The following RMND1 variants were observed in gnomAD, a reference collection of about 807,000 sequenced individuals.
The protein encoded by RMND1 is required for meiotic nuclear division 1 homolog, also known as required for meiotic nuclear division protein 1 homolog.
In RMND1, 41 loss-of-function variants were observed where a neutral mutation model predicts 54.0. The ratio of observed to expected loss-of-function variants is 0.76; its 90% CI spans 0.59 to 0.98. RMND1 has a LOEUF of 0.98. Ranked by LOEUF, RMND1 falls within the 50% of genes least tolerant of loss-of-function variation. RMND1 has a pLI of 0.00. For synonymous variants in RMND1, 183 were observed against 181.7 expected (o/e 1.01, Z -0.06); for missense variants, 457 against 532.0 (o/e 0.86, Z 1.39).
chr6:151,405,206 C>T lies in RMND1; in HGVS notation c.*29G>A, dbSNP rs1195847566. The stretch of plus-strand genomic sequence containing the variant: ...TTTTGATTGTAGAACTTGAATATCT[C>T]TTGCAGTGACACTTTGGTTATCACT... On this transcript the variant is annotated 3_prime_UTR_variant, in exon 12 of 12. Transcript: ENST00000444024. 1.3e-6 allele frequency: 2 copies of T among 1,598,102 alleles called. No individual in the cohort carries two copies. Among genetic ancestry groups the T allele is most frequent in the African/African-American group, 2.7e-5 (2 of 74,524 alleles).
intron 10 of RMND1, chr6:151,408,507 GTAC>G (rs1779707089): frequency 6.6e-6 from 1 of 152,150 alleles, no homozygotes; most frequent in Non-Finnish European, 1.5e-5. Context: ...GAGGTACTGT[GTAC>G]TACATATGGT....
chr6:151,451,340 C>T (rs1562805154), intron 1 of RMND1, among the ~76,000 whole-genome samples: 1 of 152,032 alleles, frequency 6.6e-6, no homozygotes, highest in Non-Finnish European at 1.5e-5. Context: ...CAGTTCTTAT[C>T]ATGTGCCAGG....
At position 151,405,124 on chromosome 6, in the gene RMND1, C is replaced by A. The variant is rs1582935330; in HGVS notation, c.*111G>T. On this transcript the variant is annotated 3_prime_UTR_variant, in exon 12 of 12. Coordinates refer to ENST00000444024, the MANE Select transcript of RMND1 (RefSeq NM_017909.4). ...TCTCATCTCAAGCCACCCTTCTTGG[C>A]CTCCGAAAGTGCTGGGATTACAGGC... The A allele has an allele frequency of 1.1e-6, 1 of 894,638 alleles. No individual in the cohort carries two copies. The highest frequency in any genetic ancestry group is 2.5e-5 in the East Asian group (1 of 39,236). 55.4% of individuals were successfully genotyped at this position (894,638 alleles called of 1,614,324 possible). A position where few individuals can be genotyped will look rare whatever the true frequency, so the allele number is the denominator to read the frequency against.
chr6:151,434,149 T>C (rs900101272), intron 3 of RMND1, among the ~76,000 whole-genome samples: 2 of 152,208 alleles, frequency 1.3e-5, no homozygotes, highest in Non-Finnish European at 2.9e-5. Flanking sequence ...CTGGCCTAAG[T>C]ATTGTTAAAA....
Position 151,431,192 on chromosome 6 carries a change from C to T in RMND1, c.690-1015G>A, listed in dbSNP as rs142464998. On this transcript the variant is annotated intron_variant, in intron 4 of 11. Coordinates refer to ENST00000444024, the MANE Select transcript of RMND1 (RefSeq NM_017909.4). ...ACACAGGCTCAGAGAGGAGGTGGGA[C>T]GGAGCAGAGCAGCATCTCAGAATAA... Among the ~76,000 whole-genome samples the T allele has an allele frequency of 6.6e-5, 10 of 152,100 alleles. No individual in the cohort carries two copies. The East Asian group carries it at 1.4e-3, about 21-fold the overall frequency.
At chr6:151,411,469 AGAAT>A (rs1779831630) in intron 10 of RMND1, 1 of 152,204 alleles carries the variant, frequency 6.6e-6, no homozygotes, top group African/African-American at 2.4e-5. Context: ...CCTCGATACC[AGAAT>A]GAAGAGCACA....
intron 7 of RMND1, 22 bp downstream of exon 7, chr6:151,423,503 C>G (rs764241636): frequency 9.7e-6 from 14 of 1,436,662 alleles, no homozygotes; most frequent in Admixed American, 8.4e-5. Context: ...AGTACCCTAT[C>G]CCATAAGCAG....
intron 2 of RMND1, 55 bp from the exon 3 acceptor site, chr6:151,436,609 A>AC: frequency 6.3e-7 from 1 of 1,589,260 alleles, no homozygotes; most frequent in East Asian, 2.2e-5. Context: ...AGCATCTGTG[A>AC]CGGCTGCTGA....
chr6:151,430,600 G>C (rs1431817867), intron 4 of RMND1, among the ~76,000 whole-genome samples: 1 of 152,212 alleles, frequency 6.6e-6, no homozygotes, highest in Non-Finnish European at 1.5e-5. Context: ...GGAATAAAGA[G>C]ATGGTGGTTA....
At chr6:151,436,773 G>A (rs1317686429) in intron 2 of RMND1, 26 of 423,968 alleles carry the variant, frequency 6.1e-5, no homozygotes, top group East Asian at 4.8e-4. Flanking sequence ...GCTCCCTCCC[G>A]CCAGGCAAAA....
chr6:151,423,522 T>C lies in RMND1; in HGVS notation c.937+3A>G, dbSNP rs373228488. 15 of 1,588,090 alleles carry C rather than the reference T, an allele frequency of 9.4e-6. No homozygotes were observed. The highest frequency in any genetic ancestry group is 3.3e-4 in the Middle Eastern group (2 of 6,008). On this transcript the variant is annotated splice_donor_region_variant and intron_variant, in intron 7 of 11. Coordinates refer to ENST00000444024, the MANE Select transcript of RMND1 (RefSeq NM_017909.4). ...CCCTATCCCATAAGCAGTAGTAACT[T>C]ACCAGAAAGGCATAGAGCATTGGAG...
chr6:151,435,410 T>G (rs1780575803), intron 3 of RMND1, among the ~76,000 whole-genome samples: 1 of 152,026 alleles, frequency 6.6e-6, no homozygotes, highest in South Asian at 2.1e-4. Context: ...CCTCCCAAAG[T>G]GCTGGGATTA....
At position 151,405,233 on chromosome 6, in the gene RMND1, G is replaced by A. The variant is rs536376642; in HGVS notation, c.*2C>T. 3 of 1,611,662 alleles carry A rather than the reference G, an allele frequency of 1.9e-6. No homozygotes were observed. Among genetic ancestry groups the A allele is most frequent in the Admixed American group, 3.3e-5 (2 of 59,958 alleles). The stretch of plus-strand genomic sequence containing the variant: ...TGCAGTGACACTTTGGTTATCACTT[G>A]ATCAGAAAAATACTCGTCCCAGCTC... On this transcript the variant is annotated 3_prime_UTR_variant, in exon 12 of 12. Transcript: ENST00000444024.
chr6:151,435,549 ATT>A lies in RMND1; in HGVS notation c.613+895_613+896del, dbSNP rs567748503. ...GTTCATTTTAATTTTCTTCTTTTTCATTTTTATCTTCTAACTAATCGTTTTAT... is the reference window on the plus strand; with the variant it reads ...GTTCATTTTAATTTTCTTCTTTTTCATTTATCTTCTAACTAATCGTTTTAT... On this transcript the variant is annotated intron_variant, in intron 3 of 11. Coordinates refer to ENST00000444024, the MANE Select transcript of RMND1 (RefSeq NM_017909.4). Among the ~76,000 whole-genome samples, 97 of 151,378 alleles carry A rather than the reference ATT, an allele frequency of 6.4e-4. 1 individual carries two copies. The highest frequency in any genetic ancestry group is 2.3e-3 in the African/African-American group (93 of 41,304).
At position 151,405,840 on chromosome 6, in the gene RMND1, T is replaced by G. The variant is rs369629964; in HGVS notation, c.1201-4A>C. The G allele has an allele frequency of 2.9e-5, 45 of 1,527,990 alleles. No individual in the cohort carries two copies. The highest frequency in any genetic ancestry group is 3.9e-5 in the Non-Finnish European group (43 of 1,102,596). The allele number at this position is 1,527,990 out of a possible 1,614,324, so 94.7% of individuals were successfully genotyped here. On this transcript the variant is annotated splice_region_variant and splice_polypyrimidine_tract_variant and intron_variant, in intron 10 of 11. Transcript: ENST00000444024. ...GCTGAAGTTTTTCATTCATGACCTA[T>G]GTAAGAAAAATTTCAGTAACATGTA...
At chr6:151,423,019 C>T (rs9478204) in intron 7 of RMND1, among the ~76,000 whole-genome samples, 12,542 of 152,176 alleles carry the variant, frequency 0.082, 1,507 homozygotes, top group African/African-American at 0.27. Flanking sequence ...ATGGACAGGA[C>T]GCTGCAGCAG....
At position 151,423,559 on chromosome 6, in the gene RMND1, C is replaced by A; in HGVS notation, c.903G>T (p.Glu301Asp). The A allele has an allele frequency of 6.2e-7, 1 of 1,613,910 alleles. No homozygotes were observed. The highest frequency in any genetic ancestry group is 8.5e-7 in the Non-Finnish European group (1 of 1,179,816). The change falls in exon 7 of 12, where the codon GAG (glutamate) becomes GAT (aspartate). Residue 301 changes from glutamate (E) to aspartate (D), a missense_variant. Physicochemically the swap from Glu to Asp is conservative, Grantham distance 45. Coordinates refer to ENST00000444024, the MANE Select transcript of RMND1 (RefSeq NM_017909.4). Reference protein sequence around the residue: ...SELDLDDAILEKFAFSNALCL... With the variant: ...SELDLDDAILDKFAFSNALCL... Reference sequence around the variant, plus strand: ...ATAGAGCATTGGAGAAAGCAAACTTCTCTAGAATGGCATCATCTAAATCCA... The same window carrying A: ...ATAGAGCATTGGAGAAAGCAAACTTATCTAGAATGGCATCATCTAAATCCA...
intron 4 of RMND1, among the ~76,000 whole-genome samples, chr6:151,430,549 T>C (rs977571227): frequency 5.3e-5 from 8 of 152,222 alleles, no homozygotes; most frequent in Non-Finnish European, 1.2e-4. Flanking sequence ...AGGCAGACTC[T>C]ACTATGTGCA....
chr6:151,413,286 C>CT (rs1168998216), intron 10 of RMND1, among the ~76,000 whole-genome samples: 3 of 152,228 alleles, frequency 2.0e-5, no homozygotes, highest in Admixed American at 6.5e-5. Context: ...CAGTCTCACT[C>CT]TGTCACCCAG....
Sources: allele counts gnomAD v4.1 joint callset (sites outside exome capture counted in the v4.1 genomes callset), GRCh38; gene constraint gnomAD v4.1.1; transcripts MANE v1.5; gene names NCBI Gene and HGNC (gene_info 2026-07-23, HGNC 2026-07-21).